The following GARIN2 variants were observed in gnomAD, a reference collection of about 807,000 sequenced individuals.
GARIN2 encodes Golgi-associated RAB2 interactor protein 2.
chr14:67,221,682 T>C, the GARIN2 span: 1 of 1,547,814 alleles, frequency 6.5e-7, no homozygotes, highest in Non-Finnish European at 8.7e-7. Context: ...CCACAGAGCA[T>C]TTAAAGAATG....
chr14:67,204,876 T>C, the GARIN2 span: 1 of 1,613,932 alleles, frequency 6.2e-7, no homozygotes, highest in Middle Eastern at 1.6e-4. Flanking sequence ...ACAGCATAGA[T>C]TTCCCAGAAT....
the GARIN2 span, among the ~76,000 whole-genome samples, chr14:67,221,426 G>T: frequency 6.6e-6 from 1 of 152,194 alleles, no homozygotes; most frequent in Non-Finnish European, 1.5e-5. Flanking sequence ...CTCAGCAGCA[G>T]CAGTTAACTT....
chr14:67,210,504 C>CA, the GARIN2 span, among the ~76,000 whole-genome samples: 1 of 151,950 alleles, frequency 6.6e-6, no homozygotes, highest in African/African-American at 2.4e-5. Context: ...AGCAAAATTC[C>CA]AAAAAATGTA....
At chr14:67,225,168 C>T in the GARIN2 span, 4 of 1,583,406 alleles carry the variant, frequency 2.5e-6, no homozygotes, top group Non-Finnish European at 3.4e-6. Context: ...ACTTGTGCCT[C>T]ATCTGTCTGC....
chr14:67,213,856 TC>T, the GARIN2 span, among the ~76,000 whole-genome samples: 1 of 152,354 alleles, frequency 6.6e-6, no homozygotes, highest in East Asian at 1.9e-4. Flanking sequence ...TGATTGCCAT[TC>T]TAACTGGTGT....
the GARIN2 span, among the ~76,000 whole-genome samples, chr14:67,195,613 C>T: frequency 3.3e-5 from 5 of 152,234 alleles, no homozygotes; most frequent in African/African-American, 9.6e-5. Context: ...TGCATCTCCT[C>T]AAATCTAAGA....
the GARIN2 span, among the ~76,000 whole-genome samples, chr14:67,191,351 A>G: frequency 1.2e-4 from 18 of 152,254 alleles, no homozygotes; most frequent in Non-Finnish European, 2.4e-4. Context: ...GAAACTTTTT[A>G]TAATAAAATA....
chr14:67,192,033 G>T, the GARIN2 span, among the ~76,000 whole-genome samples: 14 of 152,180 alleles, frequency 9.2e-5, no homozygotes, highest in Non-Finnish European at 1.9e-4. Flanking sequence ...GACCGCAAGG[G>T]ATCAGCTAGT....
chr14:67,212,604 T>G, the GARIN2 span, among the ~76,000 whole-genome samples: 196 of 143,980 alleles, frequency 1.4e-3, 2 homozygotes, highest in Non-Finnish European at 6.9e-4. Context: ...AAAAAATATA[T>G]ATATATATAT....
the GARIN2 span, chr14:67,224,989 A>G: frequency 1.3e-6 from 1 of 740,738 alleles, no homozygotes; most frequent in African/African-American, 1.8e-5. Context: ...TCTGAATTTA[A>G]TATTCAAAAT....
chr14:67,211,262 G>T, the GARIN2 span, among the ~76,000 whole-genome samples: 1 of 152,046 alleles, frequency 6.6e-6, no homozygotes, highest in African/African-American at 2.4e-5. Context: ...AAATATAGGT[G>T]GGAGGAAGGA....
chr14:67,217,123 AC>A, the GARIN2 span, among the ~76,000 whole-genome samples: 1 of 151,622 alleles, frequency 6.6e-6, no homozygotes. Context: ...TTATATCTTC[AC>A]GTTAAATTGA....
At chr14:67,202,427 G>A in the GARIN2 span, among the ~76,000 whole-genome samples, 1 of 151,976 alleles carries the variant, frequency 6.6e-6, no homozygotes, top group Non-Finnish European at 1.5e-5. Flanking sequence ...GCAACAGAAC[G>A]AGACTGCACC....
chr14:67,215,087 G>C, the GARIN2 span, among the ~76,000 whole-genome samples: 1 of 152,050 alleles, frequency 6.6e-6, no homozygotes, highest in African/African-American at 2.4e-5. Context: ...GGGGTTCCAA[G>C]TGATTCTAAT....
the GARIN2 span, chr14:67,208,242 A>C: frequency 6.2e-7 from 1 of 1,614,082 alleles, no homozygotes; most frequent in Admixed American, 1.7e-5. Flanking sequence ...TGTTTACAAG[A>C]TACAAAAAGT....
the GARIN2 span, chr14:67,200,579 TC>T: frequency 4.5e-6 from 1 of 224,640 alleles, no homozygotes; most frequent in Non-Finnish European, 8.5e-6. Context: ...GACTTCATCT[TC>T]CATTAACACG....
At chr14:67,203,807 G>A in the GARIN2 span, among the ~76,000 whole-genome samples, 1 of 152,200 alleles carries the variant, frequency 6.6e-6, no homozygotes, top group Non-Finnish European at 1.5e-5. Flanking sequence ...CCACCTCCCA[G>A]TTCAAGCGAT....
the GARIN2 span, among the ~76,000 whole-genome samples, chr14:67,192,953 T>C: frequency 6.8e-6 from 1 of 146,830 alleles, no homozygotes; most frequent in African/African-American, 2.5e-5. Flanking sequence ...AATATCTCTA[T>C]ATATCTATAT....
At chr14:67,205,626 A>C in the GARIN2 span, among the ~76,000 whole-genome samples, 3 of 152,222 alleles carry the variant, frequency 2.0e-5, no homozygotes, top group Non-Finnish European at 4.4e-5. Flanking sequence ...ACAGAGAGTC[A>C]CGTCCAAAAA....
Sources: gnomAD v4.1 joint callset for allele counts (sites outside exome capture counted in the v4.1 genomes callset) on GRCh38, gnomAD v4.1.1 for gene constraint, MANE v1.5 for transcripts, NCBI Gene and HGNC (gene_info 2026-07-23, HGNC 2026-07-21) for gene names.